Variants in SHOC1 observed in about 807,000 individuals in gnomAD.
SHOC1 encodes the protein protein shortage in chiasmata 1 ortholog.
SHOC1 carries 136 observed loss-of-function variants against 179.2 expected under a neutral mutation model. The observed-to-expected ratio is 0.76, with a 90% CI of 0.66 to 0.87. SHOC1 has a LOEUF of 0.87. SHOC1 is among the 40% of genes least tolerant of loss of function. SHOC1 has a pLI of 0.00. For synonymous variants in SHOC1, 489 were observed against 586.6 expected (o/e 0.83, Z 2.41); for missense variants, 1,538 against 1,700.8 (o/e 0.90, Z 1.68).
intron 19 of SHOC1, among the ~76,000 whole-genome samples, chr9:111,707,125 T>G (rs1832313929): frequency 6.6e-6 from 1 of 152,058 alleles, no homozygotes; most frequent in Admixed American, 6.5e-5. Context: ...ATCTGGCAAC[T>G]TTAAAATGGG....
At chr9:111,759,648 C>T in intron 5 of SHOC1, 1 of 807,054 alleles carries the variant, frequency 1.2e-6, no homozygotes, top group South Asian at 5.7e-5. Flanking sequence ...TGAAGAACTA[C>T]TCAAAAAGCC....
chr9:111,694,275 GA>G lies in SHOC1; in HGVS notation c.3270del (p.His1091MetfsTer35), dbSNP rs1564103538. On this transcript the variant is annotated frameshift_variant, in exon 25 of 28. Coordinates refer to ENST00000682961, the MANE Select transcript of SHOC1 (RefSeq NM_001378211.1). LOFTEE classifies it high-confidence loss of function. ...AGCCAGGATTTATCCAACCATTCAT[GA>G]GGATCTCTCTTTGAGGTCATTAAAC... Reference protein sequence around the residue: ...DHSLMTSKRDPHEWLDKSWLK... With the variant: ...DHSLMTSKRDXHEWLDKSWLK... The G allele has an allele frequency of 6.2e-7, 1 of 1,611,510 alleles. No individual in the cohort carries two copies. The highest frequency in any genetic ancestry group is 8.5e-7 in the Non-Finnish European group (1 of 1,178,328).
At chr9:111,689,346 A>AT (rs201008808) in intron 27 of SHOC1, among the ~76,000 whole-genome samples, 14,859 of 134,646 alleles carry the variant, frequency 0.11, 1,990 homozygotes, top group African/African-American at 0.34. Context: ...AATAATAATA[A>AT]TAATTATTAT....
intron 26 of SHOC1, 44 bp from the exon 27 acceptor site, chr9:111,692,555 A>G (rs1831495451): frequency 7.2e-7 from 1 of 1,386,126 alleles, no homozygotes; most frequent in Non-Finnish European, 9.8e-7. Flanking sequence ...TTTAGTAAAT[A>G]TAAATAATGA....
chr9:111,761,840 GT>G (rs1483447573), intron 5 of SHOC1, among the ~76,000 whole-genome samples: 9 of 152,016 alleles, frequency 5.9e-5, no homozygotes, highest in Non-Finnish European at 1.2e-4. Context: ...AAAGATGTAA[GT>G]AAAAATATAA....
intron 9 of SHOC1, 72 bp downstream of exon 9, chr9:111,748,020 G>T: frequency 2.1e-6 from 2 of 962,866 alleles, no homozygotes; most frequent in Non-Finnish European, 3.4e-6. Context: ...CACTGTATAT[G>T]TGAATGTACT....
chr9:111,692,455 T>G lies in SHOC1; in HGVS notation c.3522A>C (p.Ser1174=). 1.2e-6 allele frequency: 2 copies of G among 1,605,922 alleles called. No homozygotes were observed. The highest frequency in any genetic ancestry group is 1.7e-6 in the Non-Finnish European group (2 of 1,176,156). Residue 1174 remains serine, a synonymous_variant, in exon 27 of 28, where the codon TCA becomes TCC. Coordinates refer to ENST00000682961, the MANE Select transcript of SHOC1 (RefSeq NM_001378211.1). The stretch of plus-strand genomic sequence containing the variant: ...TTTCCTGAGGTGACGAAATTTGCGG[T>G]GATTTTGTTATGGAAGAAGAACCAA... The part of the protein sequence containing the change: ...FKIGSSSITK[S]PQISSPQENR...
chr9:111,691,001 A>G (rs908363750), intron 27 of SHOC1, among the ~76,000 whole-genome samples: 1 of 152,236 alleles, frequency 6.6e-6, no homozygotes, highest in Non-Finnish European at 1.5e-5. Flanking sequence ...ACACTGAAAG[A>G]AAAGCTAGAA....
chr9:111,745,774 C>A (rs1315500157), intron 10 of SHOC1, among the ~76,000 whole-genome samples: 2 of 152,170 alleles, frequency 1.3e-5, no homozygotes, highest in Non-Finnish European at 2.9e-5. Flanking sequence ...AACTAATACA[C>A]CACTACATTG....
intron 9 of SHOC1, among the ~76,000 whole-genome samples, chr9:111,747,207 A>G (rs1371630936): frequency 1.3e-5 from 2 of 152,148 alleles, no homozygotes; most frequent in East Asian, 1.9e-4. Flanking sequence ...ACTTTCATAA[A>G]TAAAGCAGTA....
At position 111,722,424 on chromosome 9, in the gene SHOC1, CACTT is replaced by C; in HGVS notation, c.2112_2115del (p.Ser705MetfsTer13). On this transcript the variant is annotated frameshift_variant, in exon 15 of 28. Transcript: ENST00000682961. LOFTEE classifies it high-confidence loss of function. ...TTGTACTCACCTTGGCGAACAGCATCACTTACTACTTTTTCTTGTTCCTTTAAGA... is the reference window on the plus strand; with the variant it reads ...TTGTACTCACCTTGGCGAACAGCATCACTACTTTTTCTTGTTCCTTTAAGA... 1.3e-6 allele frequency: 2 copies of C among 1,598,608 alleles called. No individual in the cohort carries two copies. The highest frequency in any genetic ancestry group is 1.7e-6 in the Non-Finnish European group (2 of 1,176,652).
intron 12 of SHOC1, among the ~76,000 whole-genome samples, chr9:111,732,038 A>G (rs928552511): frequency 6.6e-6 from 1 of 152,202 alleles, no homozygotes; most frequent in African/African-American, 2.4e-5. Context: ...TGAACATGTA[A>G]TAAGATGCCC....
At chr9:111,747,022 T>C (rs1834320280) in intron 9 of SHOC1, among the ~76,000 whole-genome samples, 1 of 152,136 alleles carries the variant, frequency 6.6e-6, no homozygotes, top group South Asian at 2.1e-4. Context: ...AAAAAAATTA[T>C]TATTTTTATT....
chr9:111,716,548 G>A (rs1157248164), intron 16 of SHOC1, among the ~76,000 whole-genome samples: 1 of 151,760 alleles, frequency 6.6e-6, no homozygotes, highest in Non-Finnish European at 1.5e-5. Flanking sequence ...GCACCACCAC[G>A]CCAGGCTAAT....
chr9:111,789,305 A>G (rs1836370803), intron 2 of SHOC1, among the ~76,000 whole-genome samples: 1 of 152,176 alleles, frequency 6.6e-6, no homozygotes, highest in African/African-American at 2.4e-5. Flanking sequence ...TTAGTATTTA[A>G]TCTAAAAAAT....
intron 5 of SHOC1, among the ~76,000 whole-genome samples, chr9:111,770,707 G>A (rs1835568338): frequency 6.6e-6 from 1 of 152,094 alleles, no homozygotes; most frequent in Non-Finnish European, 1.5e-5. Context: ...ATACCTAGGA[G>A]TTCTGGTGTT....
intron 8 of SHOC1, among the ~76,000 whole-genome samples, chr9:111,751,187 G>A (rs1311859718): frequency 6.6e-6 from 1 of 152,114 alleles, no homozygotes; most frequent in African/African-American, 2.4e-5. Flanking sequence ...TCTCTATTCT[G>A]TTCCATTGGT....
intron 8 of SHOC1, among the ~76,000 whole-genome samples, chr9:111,754,294 T>C (rs967241000): frequency 1.3e-5 from 2 of 152,044 alleles, no homozygotes; most frequent in Non-Finnish European, 2.9e-5. Flanking sequence ...CCAACTAAAA[T>C]GGGCAAAGGA....
chr9:111,709,452 G>A (rs1357494231), intron 18 of SHOC1, among the ~76,000 whole-genome samples: 1 of 151,968 alleles, frequency 6.6e-6, no homozygotes, highest in Non-Finnish European at 1.5e-5. Flanking sequence ...TCTTACAAAC[G>A]CATAGAAAAC....
Sources: allele counts gnomAD v4.1 joint callset (sites outside exome capture counted in the v4.1 genomes callset), GRCh38; gene constraint gnomAD v4.1.1; transcripts MANE v1.5; gene names NCBI Gene and HGNC (gene_info 2026-07-23, HGNC 2026-07-21).